The following ARSG variants were observed in gnomAD, a reference collection of about 807,000 sequenced individuals.
ARSG encodes ASG.
ARSG carries 37 observed loss-of-function variants against 50.5 expected under a neutral mutation model. The observed-to-expected ratio is 0.73, with a 90% CI of 0.56 to 0.96. ARSG has a LOEUF of 0.96. Among genes scored for constraint, ARSG ranks in the 50% least tolerant of loss-of-function variants. The pLI, the probability that ARSG is intolerant of heterozygous loss-of-function variation, is 0.00. For missense variants in ARSG, 629 were observed against 675.3 expected (o/e 0.93, Z 0.76); for synonymous variants, 225 against 254.6 (o/e 0.88, Z 1.11).
intron 2 of ARSG, among the ~76,000 whole-genome samples, chr17:68,328,464 C>CGTGCCTTTA (rs1872141226): frequency 6.6e-6 from 1 of 152,082 alleles, no homozygotes; most frequent in Admixed American, 6.6e-5. Flanking sequence ...CTTGTCTTTC[C>CGTGCCTTTA]GTGCCTTTAA....
At chr17:68,345,173 A>T (rs2078448265) in intron 3 of ARSG, among the ~76,000 whole-genome samples, 1 of 152,202 alleles carries the variant, frequency 6.6e-6, no homozygotes, top group Non-Finnish European at 1.5e-5. Flanking sequence ...ACATGCGTCC[A>T]TGTAAACCTC....
Position 68,372,276 on chromosome 17 carries a change from C to T in ARSG, c.982+1752C>T, listed in dbSNP as rs558724935. Among the ~76,000 whole-genome samples the T allele has an allele frequency of 2.9e-4, 44 of 151,722 alleles. 1 individual carries two copies. In the South Asian group the frequency reaches 5.0e-3, roughly 17 times the overall value. On this transcript the variant is annotated intron_variant, in intron 8 of 11. Coordinates refer to ENST00000621439, the MANE Select transcript of ARSG (RefSeq NM_001267727.2). ...CCAGTTCTATCTAACTGTCATCTATCTATCTATCTATCAATTGATCGATCG... is the reference window on the plus strand; with the variant it reads ...CCAGTTCTATCTAACTGTCATCTATTTATCTATCTATCAATTGATCGATCG...
chr17:68,348,130 C>T (rs1199814093), intron 4 of ARSG, among the ~76,000 whole-genome samples: 1 of 152,224 alleles, frequency 6.6e-6, no homozygotes, highest in Non-Finnish European at 1.5e-5. Context: ...TCCCTCTCCT[C>T]CCTTGAGCCC....
At chr17:68,426,117 C>A (rs199788482), downstream of ARSG, 2 of 1,612,630 alleles carry the variant, frequency 1.2e-6, no homozygotes, top group Admixed American at 3.3e-5. Flanking sequence ...CTGGTCCCGT[C>A]GCAAACTCAT....
intron 1 of ARSG, among the ~76,000 whole-genome samples, chr17:68,295,671 ATTTTTT>A (rs56840354): frequency 7.6e-4 from 87 of 114,544 alleles, no homozygotes; most frequent in Non-Finnish European, 1.3e-3. Flanking sequence ...TCTAAGACAA[ATTTTTT>A]TTTTTTTTTT....
intron 5 of ARSG, among the ~76,000 whole-genome samples, chr17:68,353,679 CT>C (rs1233753587): frequency 3.3e-5 from 5 of 152,138 alleles, no homozygotes; most frequent in Admixed American, 1.3e-4. Flanking sequence ...CAGCCAATCT[CT>C]TTTTAAAATT....
chr17:68,397,710 C>T lies in ARSG; in HGVS notation c.1212+2517C>T, dbSNP rs1207535681. ...CATACGTCTATACATGTGTGTTATA[C>T]GTGTGCATGCATATTCTAGACGTGT... is the stretch of plus-strand genomic sequence containing the variant. On this transcript the variant is annotated intron_variant, in intron 10 of 11. Transcript: ENST00000621439. Among the ~76,000 whole-genome samples, 10 of 152,128 alleles carry T rather than the reference C, an allele frequency of 6.6e-5. No homozygotes were observed. In the East Asian group the frequency reaches 1.4e-3, roughly 21 times the overall value.
chr17:68,430,115 C>T, the ARSG span: 106 of 1,614,116 alleles, frequency 6.6e-5, no homozygotes, highest in Non-Finnish European at 8.8e-5. Flanking sequence ...CAGCCATAAA[C>T]ATCTTTCCCA....
the ARSG span, chr17:68,436,360 A>T: frequency 2.5e-6 from 4 of 1,611,036 alleles, no homozygotes; most frequent in African/African-American, 5.3e-5. Context: ...GGGTTGGCTC[A>T]GCCAGGTCAC....
At chr17:68,423,769 T>C (rs547691823), downstream of ARSG, among the ~76,000 whole-genome samples, 1 of 152,324 alleles carries the variant, frequency 6.6e-6, no homozygotes, top group South Asian at 2.1e-4. The surrounding 1 kb of genome is among the most constrained non-coding windows in gnomAD (Gnocchi z 4.4). Context: ...CTGCACAAGG[T>C]ACCTATTATT....
At chr17:68,392,110 C>T (rs1346928245) in intron 9 of ARSG, among the ~76,000 whole-genome samples, 1 of 152,208 alleles carries the variant, frequency 6.6e-6, no homozygotes, top group African/African-American at 2.4e-5. Flanking sequence ...ATGCGAAAGC[C>T]TGAACTCTGC....
chr17:68,264,235 T>G (rs1477748280), intron 1 of ARSG, among the ~76,000 whole-genome samples: 2 of 152,218 alleles, frequency 1.3e-5, no homozygotes, highest in Non-Finnish European at 2.9e-5. Context: ...AAATACCACC[T>G]GGTGATTTGA....
intron 11 of ARSG, among the ~76,000 whole-genome samples, chr17:68,404,562 A>G (rs2081623727): frequency 6.6e-6 from 1 of 152,124 alleles, no homozygotes; most frequent in Non-Finnish European, 1.5e-5. Flanking sequence ...CATACTTTTT[A>G]TATCTTGCTG....
chr17:68,358,818 A>C (rs2079151610), intron 6 of ARSG, among the ~76,000 whole-genome samples: 1 of 151,944 alleles, frequency 6.6e-6, no homozygotes, highest in East Asian at 1.9e-4. Context: ...AGTGAGCCAT[A>C]ATGGTGCCAC....
At chr17:68,405,368 C>T (rs1017110759) in intron 11 of ARSG, among the ~76,000 whole-genome samples, 1 of 152,064 alleles carries the variant, frequency 6.6e-6, no homozygotes. Context: ...TGTCTTTCAG[C>T]TATATTTTAT....
At chr17:68,421,825 CA>C, downstream of ARSG, 1 of 1,614,116 alleles carries the variant, frequency 6.2e-7, no homozygotes. Context: ...GATTATCTAC[CA>C]AAATCAAAAC....
Position 68,403,857 on chromosome 17 carries a change from C to A in ARSG, c.1303+2407C>A, listed in dbSNP as rs368557456. Among the ~76,000 whole-genome samples, 15 of 152,236 alleles carry A rather than the reference C, an allele frequency of 9.9e-5. No homozygotes were observed. In the East Asian group the frequency reaches 1.5e-3, roughly 16 times the overall value. ...ATATCTCCTAATGCTTTCCCTCCCCCCTCACCCCACCCCACGACAGGCCCC... is the reference window on the plus strand; with the variant it reads ...ATATCTCCTAATGCTTTCCCTCCCCACTCACCCCACCCCACGACAGGCCCC... On this transcript the variant is annotated intron_variant, in intron 11 of 11. Transcript: ENST00000621439.
At position 68,352,153 on chromosome 17, in the gene ARSG, GAGAGAGAGACA is replaced by G. The variant is rs1568507009; in HGVS notation, c.566+468_566+478del. Among the ~76,000 whole-genome samples the G allele has an allele frequency of 3.1e-4, 24 of 76,794 alleles. 1 individual carries two copies. The highest frequency in any genetic ancestry group is 5.2e-4 in the Non-Finnish European group (14 of 27,174). 50.4% of individuals were successfully genotyped at this position (76,794 alleles called of 152,430 possible). Reference sequence around the variant, plus strand: ...GAGAGAGAGACAGAGGAGAGAGAGAGAGAGAGAGACAGAGAGAGAGAGAGAGAGAGACAGAG... The same window carrying G: ...GAGAGAGAGACAGAGGAGAGAGAGAGGAGAGAGAGAGAGAGAGAGACAGAG... On this transcript the variant is annotated intron_variant, in intron 5 of 11. Coordinates refer to ENST00000621439, the MANE Select transcript of ARSG (RefSeq NM_001267727.2).
At chr17:68,302,582 C>T (rs1019168724) in intron 1 of ARSG, among the ~76,000 whole-genome samples, 2 of 152,164 alleles carry the variant, frequency 1.3e-5, no homozygotes, top group African/African-American at 4.8e-5. Flanking sequence ...TTCTGGCCCA[C>T]AGCCTGCCTG....
Sources: gnomAD v4.1 joint callset for allele counts (sites outside exome capture counted in the v4.1 genomes callset) on GRCh38, gnomAD v4.1.1 for gene constraint, Gnocchi (gnomAD v3.1) non-coding constraint, MANE v1.5 for transcripts, NCBI Gene and HGNC (gene_info 2026-07-23, HGNC 2026-07-21) for gene names.